Variants in DPP10 observed in about 807,000 individuals in gnomAD.
DPP10 encodes the protein dipeptidyl peptidase like 10.
A neutral mutation model predicts 120.9 loss-of-function variants in DPP10; 33 were observed. That is an observed-to-expected ratio of 0.27 (90% CI 0.21 to 0.37). The LOEUF (loss-of-function observed/expected upper bound fraction) is 0.37, where lower values mean the gene tolerates loss of function less well. Ranked by LOEUF, DPP10 falls within the 10% of genes least tolerant of loss-of-function variation. The probability of loss-of-function intolerance (pLI) is 1.00; values close to 1 mark genes in which losing one functional copy is unlikely to be tolerated. For missense variants in DPP10, 816 were observed against 942.8 expected (o/e 0.87, Z 1.76); for synonymous variants, 337 against 326.1 (o/e 1.03, Z -0.36).
At chr2:114,737,189 T>C (rs1173643194) in intron 1 of DPP10, among the ~76,000 whole-genome samples, 3 of 152,216 alleles carry the variant, frequency 2.0e-5, no homozygotes, top group Non-Finnish European at 4.4e-5. Flanking sequence ...TTAGTTGTTA[T>C]GTGCTTATTC....
intron 1 of DPP10, among the ~76,000 whole-genome samples, chr2:114,773,776 T>A (rs1681479670): frequency 6.6e-6 from 1 of 152,166 alleles, no homozygotes; most frequent in Non-Finnish European, 1.5e-5. Flanking sequence ...AGGCTAGATC[T>A]AAAATATATT....
intron 1 of DPP10, among the ~76,000 whole-genome samples, chr2:115,213,274 G>A (rs2056630308): frequency 6.6e-6 from 1 of 152,122 alleles, no homozygotes; most frequent in Non-Finnish European, 1.5e-5. Flanking sequence ...GGATGCAACA[G>A]TGTTCTCGGA....
At chr2:115,599,813 T>G (rs1385219312) in intron 5 of DPP10, among the ~76,000 whole-genome samples, 1 of 152,120 alleles carries the variant, frequency 6.6e-6, no homozygotes, top group Non-Finnish European at 1.5e-5. Context: ...GCAGGCAATT[T>G]ACTTACTGTC....
chr2:114,813,428 G>A (rs980698401), intron 1 of DPP10, among the ~76,000 whole-genome samples: 25 of 152,286 alleles, frequency 1.6e-4, no homozygotes, highest in African/African-American at 5.8e-4. Context: ...TTTGCAAAGT[G>A]CTTGGCTCCT....
At chr2:114,894,641 G>A (rs1045355025) in intron 1 of DPP10, among the ~76,000 whole-genome samples, 1 of 152,138 alleles carries the variant, frequency 6.6e-6, no homozygotes, top group Non-Finnish European at 1.5e-5. Context: ...ATACTAAGCA[G>A]TTAATTTTTT....
At chr2:114,537,454 G>A (rs72951846) in intron 1 of DPP10, among the ~76,000 whole-genome samples, 7 of 152,124 alleles carry the variant, frequency 4.6e-5, no homozygotes, top group South Asian at 2.1e-4. Context: ...TTTTCAAGTC[G>A]GCAAATTCCC....
At chr2:115,016,641 C>G (rs930546367) in intron 1 of DPP10, among the ~76,000 whole-genome samples, 1 of 151,692 alleles carries the variant, frequency 6.6e-6, no homozygotes, top group Non-Finnish European at 1.5e-5. Context: ...CTTCAAGGAA[C>G]TCAAACAAAT....
intron 1 of DPP10, among the ~76,000 whole-genome samples, chr2:115,045,183 G>A (rs1452755263): frequency 6.6e-6 from 1 of 151,986 alleles, no homozygotes; most frequent in Non-Finnish European, 1.5e-5. Flanking sequence ...AGTTTCCTGA[G>A]GAATATTCTA....
At chr2:114,774,530 A>G (rs534066254) in intron 1 of DPP10, among the ~76,000 whole-genome samples, 1 of 151,362 alleles carries the variant, frequency 6.6e-6, no homozygotes, top group South Asian at 2.1e-4. Flanking sequence ...CCTTAACACT[A>G]TCTTAAAATC....
intron 1 of DPP10, among the ~76,000 whole-genome samples, chr2:114,856,749 G>A (rs1444958833): frequency 6.6e-6 from 1 of 152,156 alleles, no homozygotes; most frequent in Non-Finnish European, 1.5e-5. Context: ...GAGAGCAGGA[G>A]AGTTGCTTCT....
At chr2:115,250,637 T>C (rs1004118275) in intron 1 of DPP10, among the ~76,000 whole-genome samples, 4 of 152,188 alleles carry the variant, frequency 2.6e-5, no homozygotes, top group African/African-American at 9.7e-5. Context: ...AAAATAATAT[T>C]GCCAAGTATG....
At chr2:115,717,397 T>A (rs567900028) in intron 7 of DPP10, among the ~76,000 whole-genome samples, 5 of 152,000 alleles carry the variant, frequency 3.3e-5, no homozygotes, top group South Asian at 4.1e-4. Context: ...AAATAAAAAA[T>A]AAATAAATAA....
At chr2:115,642,990 TACTTCTAAGAA>T (rs1285734413) in intron 5 of DPP10, among the ~76,000 whole-genome samples, 2 of 152,170 alleles carry the variant, frequency 1.3e-5, no homozygotes, top group Non-Finnish European at 2.9e-5. Flanking sequence ...TCTGATAGAT[TACTTCTAAGAA>T]ACAGAAGATG....
chr2:115,585,799 C>T (rs1028381355), intron 5 of DPP10, among the ~76,000 whole-genome samples: 2 of 152,134 alleles, frequency 1.3e-5, no homozygotes, highest in Non-Finnish European at 2.9e-5. Flanking sequence ...TATCTATCCA[C>T]GTCGCCACTT....
intron 1 of DPP10, among the ~76,000 whole-genome samples, chr2:115,270,099 C>CAG (rs2059629617): frequency 6.7e-6 from 1 of 149,072 alleles, no homozygotes; most frequent in African/African-American, 2.6e-5. Flanking sequence ...CACACACACA[C>CAG]ACACACACAC....
intron 7 of DPP10, among the ~76,000 whole-genome samples, chr2:115,696,419 A>T (rs1480177966): frequency 6.6e-6 from 1 of 152,214 alleles, no homozygotes; most frequent in African/African-American, 2.4e-5. Context: ...CAGAAACATA[A>T]GAAGCCACAA....
At chr2:115,154,548 GACA>G (rs1467030825) in intron 1 of DPP10, among the ~76,000 whole-genome samples, 1 of 151,986 alleles carries the variant, frequency 6.6e-6, no homozygotes, top group Non-Finnish European at 1.5e-5. Flanking sequence ...AATATTCTGG[GACA>G]ACAGAAAGAG....
intron 3 of DPP10, among the ~76,000 whole-genome samples, chr2:115,415,840 TTTATATATATATATATATATATA>T (rs1284895884): frequency 1.2e-5 from 1 of 83,400 alleles, no homozygotes; most frequent in African/African-American, 5.0e-5. Flanking sequence ...CTGATTTGCT[TTTATATATATATATATATATATA>T]TATATATATA....
intron 2 of DPP10, among the ~76,000 whole-genome samples, chr2:115,310,062 T>C: frequency 6.6e-6 from 1 of 152,096 alleles, no homozygotes; most frequent in South Asian, 2.1e-4. Flanking sequence ...ACTTTTAAAC[T>C]CCTTCAGTTG....
Sources: allele counts gnomAD v4.1 joint callset (sites outside exome capture counted in the v4.1 genomes callset), GRCh38; gene constraint gnomAD v4.1.1; transcripts MANE v1.5; gene names NCBI Gene and HGNC (gene_info 2026-07-23, HGNC 2026-07-21).